The following RALGAPA1 variants were observed in gnomAD, a reference collection of about 807,000 sequenced individuals.
RALGAPA1 encodes ral GTPase-activating protein subunit alpha-1.
A neutral mutation model predicts 269.6 loss-of-function variants in RALGAPA1; 52 were observed. The ratio of observed to expected loss-of-function variants is 0.19; its 90% CI spans 0.15 to 0.24. The LOEUF (loss-of-function observed/expected upper bound fraction) is 0.24. Ranked by LOEUF, RALGAPA1 falls within the 10% of genes least tolerant of loss-of-function variation. The pLI is 1.00. For missense variants in RALGAPA1, 1,917 were observed against 3,013.9 expected (o/e 0.64, Z 8.52); for synonymous variants, 817 against 1,008.3 (o/e 0.81, Z 3.60).
chr14:35,774,923 T>C (rs2074904983), intron 3 of RALGAPA1, 83 bp downstream of exon 3: 2 of 830,526 alleles, frequency 2.4e-6, no homozygotes, highest in Non-Finnish European at 3.9e-6. Context: ...TTTCATTACA[T>C]GTTTTATAAT....
At chr14:35,606,377 A>G (rs2059597928) in intron 35 of RALGAPA1, among the ~76,000 whole-genome samples, 1 of 152,204 alleles carries the variant, frequency 6.6e-6, no homozygotes, top group African/African-American at 2.4e-5. Context: ...ACTGTAGGCA[A>G]TTATGACATA....
At chr14:35,587,651 T>G (rs555489258) in intron 37 of RALGAPA1, among the ~76,000 whole-genome samples, 2 of 148,746 alleles carry the variant, frequency 1.3e-5, no homozygotes, top group South Asian at 4.2e-4. Flanking sequence ...TTCTCACTCA[T>G]AGGTGAGAAT....
chr14:35,703,735 G>A (rs917358338), intron 16 of RALGAPA1, among the ~76,000 whole-genome samples: 2 of 151,942 alleles, frequency 1.3e-5, no homozygotes, highest in Non-Finnish European at 2.9e-5. Context: ...ACATACATCA[G>A]TGATCATAAA....
intron 37 of RALGAPA1, among the ~76,000 whole-genome samples, chr14:35,588,337 T>C (rs2058437839): frequency 6.6e-6 from 1 of 152,180 alleles, no homozygotes; most frequent in Admixed American, 6.5e-5. Flanking sequence ...TAAGGGCCCT[T>C]GTGACTACTT....
intron 36 of RALGAPA1, 84 bp downstream of exon 36, chr14:35,605,502 T>C: frequency 2.2e-6 from 3 of 1,377,286 alleles, no homozygotes; most frequent in Non-Finnish European, 2.9e-6. Context: ...CCTAAAATAA[T>C]ACTTCTATAA....
chr14:35,684,047 G>C, intron 20 of RALGAPA1, 62 bp from the exon 21 acceptor site: 1 of 1,307,536 alleles, frequency 7.6e-7, no homozygotes, highest in South Asian at 1.4e-5. Context: ...ATTTACGAGA[G>C]CTAAATCAGC....
chr14:35,713,377 G>C (rs2068530087), intron 16 of RALGAPA1, among the ~76,000 whole-genome samples: 2 of 152,118 alleles, frequency 1.3e-5, no homozygotes, highest in African/African-American at 4.8e-5. Flanking sequence ...GAGCAACTTG[G>C]TTATTCTCTA....
chr14:35,756,608 T>C, intron 7 of RALGAPA1, 185 bp downstream of exon 7: 1 of 383,096 alleles, frequency 2.6e-6, no homozygotes, highest in East Asian at 4.4e-5. Flanking sequence ...CTTGGTTGAT[T>C]ACACTTGTAA....
At chr14:35,628,026 A>T in intron 33 of RALGAPA1, 75 bp from the exon 34 acceptor site, 3 of 1,408,140 alleles carry the variant, frequency 2.1e-6, no homozygotes, top group Non-Finnish European at 2.9e-6. Context: ...AATATTAGAC[A>T]ACAAATAGGG....
intron 12 of RALGAPA1, among the ~76,000 whole-genome samples, chr14:35,730,104 G>A (rs970359010): frequency 1.3e-5 from 2 of 152,152 alleles, no homozygotes; most frequent in East Asian, 1.9e-4. Flanking sequence ...CTTCTCTCCC[G>A]AAAACACACA....
At chr14:35,549,725 ATCT>A (rs1465097866) in intron 39 of RALGAPA1, among the ~76,000 whole-genome samples, 2 of 152,122 alleles carry the variant, frequency 1.3e-5, no homozygotes, top group African/African-American at 2.4e-5. Flanking sequence ...ATTCCTACAT[ATCT>A]TCTTCTTTTT....
intron 41 of RALGAPA1, among the ~76,000 whole-genome samples, chr14:35,546,398 T>G (rs1240425998): frequency 1.3e-5 from 2 of 151,894 alleles, no homozygotes; most frequent in Admixed American, 1.3e-4. Context: ...GCATGGCACA[T>G]GTATACATAT....
Position 35,650,197 on chromosome 14 carries a change from C to A in RALGAPA1, c.5676+1608G>T, listed in dbSNP as rs564161742. ...GACCGGCCTGGCCAAGATGATGAGACCCCCCCGCCCCCGACACATCTCTAC... is the reference window on the plus strand; with the variant it reads ...GACCGGCCTGGCCAAGATGATGAGAACCCCCCGCCCCCGACACATCTCTAC... On this transcript the variant is annotated intron_variant, in intron 31 of 41. Transcript: ENST00000680220. Among the ~76,000 whole-genome samples the A allele has an allele frequency of 2.4e-3, 369 of 151,762 alleles. 2 individuals carry two copies. The highest frequency in any genetic ancestry group is 4.5e-3 in the Non-Finnish European group (308 of 67,880).
At chr14:35,684,843 A>C in intron 20 of RALGAPA1, 86 bp downstream of exon 20, 1 of 1,334,072 alleles carries the variant, frequency 7.5e-7, no homozygotes, top group Non-Finnish European at 1.0e-6. Context: ...CTGGAGAGGA[A>C]GGTGATGGCT....
intron 1 of RALGAPA1, among the ~76,000 whole-genome samples, chr14:35,796,656 A>G (rs976349554): frequency 6.6e-6 from 1 of 152,208 alleles, no homozygotes; most frequent in Non-Finnish European, 1.5e-5. Flanking sequence ...TTTTCCATAA[A>G]AAGTAAGATA....
intron 16 of RALGAPA1, among the ~76,000 whole-genome samples, chr14:35,708,201 CAA>C (rs955364737): frequency 5.3e-5 from 8 of 151,976 alleles, no homozygotes; most frequent in African/African-American, 1.4e-4. Context: ...ATGAAGCAGG[CAA>C]AGACTTCTTA....
intron 37 of RALGAPA1, among the ~76,000 whole-genome samples, chr14:35,576,092 T>C (rs551097062): frequency 1.4e-4 from 21 of 152,318 alleles, no homozygotes; most frequent in African/African-American, 5.1e-4. Context: ...TCTTCTTAGC[T>C]CCTCTTACAG....
chr14:35,627,372 T>A lies in RALGAPA1; in HGVS notation c.6575A>T (p.Gln2192Leu). The A allele has an allele frequency of 6.2e-7, 1 of 1,614,166 alleles. No homozygotes were observed. Among genetic ancestry groups the A allele is most frequent in the Non-Finnish European group, 8.5e-7 (1 of 1,180,022 alleles). Reference sequence around the variant, plus strand: ...TTCAGGACTAGTAACACCCAAATACTGCAAGAGCTCATCAAGAACATCTTC... The same window carrying A: ...TTCAGGACTAGTAACACCCAAATACAGCAAGAGCTCATCAAGAACATCTTC... ...DEEDVLDELL[Q>L]YLGVTSPECL... is the part of the protein sequence containing the mutation. The change falls in exon 34 of 42, where the codon CAG (glutamine) becomes CTG (leucine). Residue 2192 changes from glutamine (Q) to leucine (L), a missense_variant. Gln to Leu is a moderately radical substitution (Grantham distance 113). Coordinates refer to ENST00000680220, the MANE Select transcript of RALGAPA1 (RefSeq NM_001346249.2).
At chr14:35,773,583 G>A (rs563008412) in intron 3 of RALGAPA1, among the ~76,000 whole-genome samples, 5 of 152,024 alleles carry the variant, frequency 3.3e-5, no homozygotes, top group African/African-American at 1.2e-4. Context: ...TCTAAGGCAA[G>A]CGTAAACATT....
Sources: gnomAD v4.1 joint callset for allele counts (sites outside exome capture counted in the v4.1 genomes callset) on GRCh38, gnomAD v4.1.1 for gene constraint, MANE v1.5 for transcripts, NCBI Gene and HGNC (gene_info 2026-07-23, HGNC 2026-07-21) for gene names.